SLC38A6: variants seen among roughly 807,000 people sequenced by gnomAD.
SLC38A6 encodes solute carrier family 38 member 6.
In SLC38A6, 73 loss-of-function variants were observed where a neutral mutation model predicts 65.0. That is an observed-to-expected ratio of 1.12 (90% CI 0.93 to 1.37). SLC38A6 has a LOEUF of 1.37. Among genes scored for constraint, SLC38A6 ranks in the 40% most tolerant of loss-of-function variants. The pLI, the probability that SLC38A6 is intolerant of heterozygous loss-of-function variation, is 0.00. For missense variants in SLC38A6, 561 were observed against 531.1 expected (o/e 1.06, Z -0.55); for synonymous variants, 183 against 178.8 (o/e 1.02, Z -0.19).
At chr14:61,036,768 C>T (rs768155777) in intron 6 of SLC38A6, among the ~76,000 whole-genome samples, 151 of 152,192 alleles carry the variant, frequency 9.9e-4, no homozygotes, top group South Asian at 1.5e-3. Context: ...TTACACACCT[C>T]ATCACTCCTC....
At chr14:61,038,148 T>C (rs79829019) in intron 8 of SLC38A6, among the ~76,000 whole-genome samples, 1,577 of 152,260 alleles carry the variant, frequency 0.01, 25 homozygotes, top group African/African-American at 0.036. Flanking sequence ...CTATTTTGTC[T>C]GGTTTATTCA....
At chr14:61,018,684 T>A (rs2040170162) in intron 4 of SLC38A6, among the ~76,000 whole-genome samples, 1 of 152,220 alleles carries the variant, frequency 6.6e-6, no homozygotes, top group African/African-American at 2.4e-5. Context: ...TCTGATTACC[T>A]TGAGTTCCCC....
intron 15 of SLC38A6, among the ~76,000 whole-genome samples, chr14:61,071,562 G>A (rs529911506): frequency 2.0e-5 from 3 of 151,934 alleles, no homozygotes; most frequent in African/African-American, 7.3e-5. Flanking sequence ...TGTGGCCATA[G>A]TCCGAGCTAC....
At chr14:61,012,596 T>C (rs1174327759) in intron 3 of SLC38A6, among the ~76,000 whole-genome samples, 1 of 152,206 alleles carries the variant, frequency 6.6e-6, no homozygotes, top group Non-Finnish European at 1.5e-5. Context: ...TTTGTTCTTG[T>C]TGATTTGAAA....
chr14:61,013,852 A>T (rs1048222533), intron 3 of SLC38A6, among the ~76,000 whole-genome samples: 2 of 152,066 alleles, frequency 1.3e-5, no homozygotes, highest in East Asian at 1.9e-4. Context: ...GAATCTGACA[A>T]TTATATGTTT....
chr14:61,037,242 C>A, intron 7 of SLC38A6, 101 bp downstream of exon 7: 1 of 837,380 alleles, frequency 1.2e-6, no homozygotes, highest in Non-Finnish European at 1.8e-6. Context: ...CACAGTACCA[C>A]ATTTTTGGCA....
intron 4 of SLC38A6, among the ~76,000 whole-genome samples, chr14:61,017,270 C>G (rs1031250569): frequency 6.6e-6 from 1 of 152,162 alleles, no homozygotes; most frequent in Non-Finnish European, 1.5e-5. Context: ...GGCCTCCCGA[C>G]CTCAGGTGAT....
intron 5 of SLC38A6, among the ~76,000 whole-genome samples, chr14:61,021,657 A>G (rs917657302): frequency 2.0e-5 from 3 of 152,134 alleles, no homozygotes; most frequent in African/African-American, 7.2e-5. Flanking sequence ...TTTTTTTTAA[A>G]AAGGTGATTT....
intron 2 of SLC38A6, 119 bp from the exon 3 acceptor site, chr14:60,984,608 TCTG>T: frequency 1.5e-6 from 1 of 672,800 alleles, no homozygotes; most frequent in Non-Finnish European, 2.7e-6. Context: ...TGAACATAAT[TCTG>T]CTACTCAGAG....
At chr14:60,985,121 A>T (rs2037361673) in intron 3 of SLC38A6, among the ~76,000 whole-genome samples, 1 of 152,174 alleles carries the variant, frequency 6.6e-6, no homozygotes, top group Non-Finnish European at 1.5e-5. Context: ...TTATGGAGAA[A>T]TCATTTTCTC....
intron 3 of SLC38A6, among the ~76,000 whole-genome samples, chr14:61,001,659 G>C (rs1449291100): frequency 2.4e-4 from 36 of 152,102 alleles, no homozygotes. Flanking sequence ...GCCTCTCTAA[G>C]TCTAAATAAT....
chr14:61,011,488 G>A (rs1202179967), intron 3 of SLC38A6, among the ~76,000 whole-genome samples: 1 of 151,996 alleles, frequency 6.6e-6, no homozygotes, highest in African/African-American at 2.4e-5. Flanking sequence ...TCCAGTTTTT[G>A]CCCATTCAGT....
intron 3 of SLC38A6, chr14:60,987,225 G>C (rs1178834805): frequency 1.1e-5 from 2 of 186,482 alleles, no homozygotes; most frequent in Non-Finnish European, 2.2e-5. Context: ...AGTATAATAC[G>C]TAACTAACTC....
At chr14:61,003,347 A>G (rs188269536) in intron 3 of SLC38A6, among the ~76,000 whole-genome samples, 1 of 152,214 alleles carries the variant, frequency 6.6e-6, no homozygotes, top group African/African-American at 2.4e-5. Context: ...ATGGCTACAT[A>G]TTATTCTATC....
chr14:61,012,016 A>C (rs1008207704), intron 3 of SLC38A6, among the ~76,000 whole-genome samples: 3 of 152,052 alleles, frequency 2.0e-5, no homozygotes, highest in Admixed American at 6.5e-5. Flanking sequence ...CTGGTCCTGG[A>C]CTTTTTTTGG....
chr14:61,028,550 T>C (rs182023665), intron 5 of SLC38A6, among the ~76,000 whole-genome samples: 1 of 152,246 alleles, frequency 6.6e-6, no homozygotes, highest in East Asian at 1.9e-4. Flanking sequence ...CTGTGCCAAA[T>C]TGATAGCATT....
intron 15 of SLC38A6, among the ~76,000 whole-genome samples, chr14:61,076,717 A>G (rs185454101): frequency 2.0e-5 from 3 of 152,376 alleles, no homozygotes; most frequent in Admixed American, 2.0e-4. Flanking sequence ...GTTCTGTTAC[A>G]TCAGCCAGAC....
At chr14:61,023,816 T>G (rs1214583226) in intron 5 of SLC38A6, among the ~76,000 whole-genome samples, 2 of 152,070 alleles carry the variant, frequency 1.3e-5, no homozygotes, top group Non-Finnish European at 2.9e-5. Context: ...AATATTTGTT[T>G]CATGTGTCTT....
At chr14:61,004,540 C>G (rs995315429) in intron 3 of SLC38A6, 1 of 152,192 alleles carries the variant, frequency 6.6e-6, no homozygotes, top group African/African-American at 2.4e-5. Flanking sequence ...AAACTACCAT[C>G]AGAGAATACT....
Sources: gnomAD v4.1 joint callset for allele counts (sites outside exome capture counted in the v4.1 genomes callset) on GRCh38, gnomAD v4.1.1 for gene constraint, MANE v1.5 for transcripts, NCBI Gene and HGNC (gene_info 2026-07-23, HGNC 2026-07-21) for gene names.